ALAS2: variants seen among roughly 807,000 people sequenced by gnomAD.
ALAS2 encodes 5'-aminolevulinate synthase 2.
Under a neutral mutation model 33.7 loss-of-function variants are expected in ALAS2, and 3 were observed. The ratio of observed to expected loss-of-function variants is 0.09; its 90% CI spans 0.04 to 0.23. The LOEUF (loss-of-function observed/expected upper bound fraction) is 0.23. ALAS2 is among the 10% of genes least tolerant of loss of function. The pLI, the probability that ALAS2 is intolerant of heterozygous loss-of-function variation, is 1.00. For synonymous variants in ALAS2, 191 were observed against 177.3 expected (o/e 1.08, Z -0.61); for missense variants, 304 against 475.1 (o/e 0.64, Z 3.35).
intron 4 of ALAS2, among the ~76,000 whole-genome samples, chrX:55,022,855 G>C (rs1039934140): frequency 2.7e-5 from 3 of 111,683 alleles, no homozygotes; most frequent in Non-Finnish European, 5.6e-5. Context: ...ATGTGTTAAA[G>C]TGGAAGCATT....
In ALAS2 at chrX:55,015,594, G is replaced by T. The variant is rs1935685338; in HGVS notation, c.1152C>A (p.Ile384=). The change falls in exon 8 of 11, where the codon ATC becomes ATA. Residue 384 remains isoleucine (I), a synonymous_variant. Transcript: ENST00000650242. ...TTCACTTACCAAGAGTTCCAGAGATGATGTCAATCTTATGCATAATTCCAT... is the reference window on the plus strand; with the variant it reads ...TTCACTTACCAAGAGTTCCAGAGATTATGTCAATCTTATGCATAATTCCAT... ...ERDGIMHKID[I]ISGTLGKAFG... 1.7e-6 allele frequency: 2 copies of T among 1,209,150 alleles called. No homozygotes were observed. The highest frequency in any genetic ancestry group is 1.8e-5 in the South Asian group (1 of 56,738).
chrX:55,015,469 G>A, intron 8 of ALAS2, 109 bp downstream of exon 8: 2 of 944,455 alleles, frequency 2.1e-6, no homozygotes, highest in Non-Finnish European at 3.0e-6. Flanking sequence ...GCCTGGGGCT[G>A]TGAATTCTGT....
At chrX:55,022,617 A>G (rs1272655200) in intron 4 of ALAS2, among the ~76,000 whole-genome samples, 1 of 111,810 alleles carries the variant, frequency 8.9e-6, no homozygotes, top group African/African-American at 3.3e-5. Flanking sequence ...AAATGTATTA[A>G]TATCAAAAAT....
chrX:55,019,799 CAGA>C (rs771583890), intron 6 of ALAS2, among the ~76,000 whole-genome samples: 10 of 111,446 alleles, frequency 9.0e-5, no homozygotes, highest in East Asian at 8.5e-4. Context: ...TGGTTTTAGG[CAGA>C]AGGAGAGATA....
At chrX:55,013,689 G>C in intron 9 of ALAS2, 41 bp from the exon 10 acceptor site, 9 of 1,195,900 alleles carry the variant, frequency 7.5e-6, no homozygotes, top group Non-Finnish European at 9.1e-6. Flanking sequence ...TGCCACTCTG[G>C]CTCCACCATC....
chrX:55,026,807 C>A (rs931929355), intron 1 of ALAS2, among the ~76,000 whole-genome samples: 2 of 111,840 alleles, frequency 1.8e-5, no homozygotes, highest in Non-Finnish European at 3.8e-5. Flanking sequence ...GACACACAGG[C>A]ACTCAATAAA....
intron 2 of ALAS2, 91 bp from the exon 3 acceptor site, chrX:55,024,931 C>A: frequency 9.0e-7 from 1 of 1,108,206 alleles, no homozygotes; most frequent in Non-Finnish European, 1.2e-6. Flanking sequence ...ACCCCTAAAG[C>A]CCTATCTCAG....
In ALAS2 at chrX:55,014,940, G is replaced by A. The variant is rs143328343; in HGVS notation, c.1244C>T (p.Ala415Val). 66 of 1,208,539 alleles carry A rather than the reference G, an allele frequency of 5.5e-5. No homozygotes were observed. In the African/African-American group the frequency reaches 9.9e-4, roughly 18 times the overall value. The change falls in exon 9 of 11, where the codon GCA (alanine) becomes GTA (valine). Residue 415 changes from alanine to valine, a missense_variant. Coordinates refer to ENST00000650242, the MANE Select transcript of ALAS2 (RefSeq NM_000032.5). Reference sequence around the variant, plus strand: ...CAGAGAAGTGGTAAAGATGAAGCCTGCAGCATAGGAGCGCACCATGTCCAC... The same window carrying A: ...CAGAGAAGTGGTAAAGATGAAGCCTACAGCATAGGAGCGCACCATGTCCAC... Reference protein sequence around the residue: ...DLVDMVRSYAAGFIFTTSLPP... With the variant: ...DLVDMVRSYAVGFIFTTSLPP...
chrX:55,023,932 CCT>C, intron 3 of ALAS2, 65 bp from the exon 4 acceptor site: 4 of 928,280 alleles, frequency 4.3e-6, no homozygotes, highest in Non-Finnish European at 6.2e-6. Flanking sequence ...CATGTGTTGT[CCT>C]CTTTAAGCTC....
chrX:55,021,273 T>C lies in ALAS2; in HGVS notation c.417A>G (p.Gly139=), dbSNP rs752426872. 37 of 1,198,866 alleles carry C rather than the reference T, an allele frequency of 3.1e-5. No individual in the cohort carries two copies. Among genetic ancestry groups the C allele is most frequent in the Non-Finnish European group, 3.8e-5 (34 of 884,460 alleles). ...ACTGGTCATAACTGAAGACATAGTT[T>C]CCTGCAGGAGCAGATATGAGGATGA... The part of the protein sequence containing the change: ...VTHLIQNNMP[G]NYVFSYDQFF... The change falls in exon 5 of 11, where the codon GGA becomes GGG. Residue 139 remains glycine (G), a splice_region_variant and synonymous_variant. Transcript: ENST00000650242.
At chrX:55,027,849 A>T (rs770233381) in intron 1 of ALAS2, 8 of 1,116,749 alleles carry the variant, frequency 7.2e-6, no homozygotes, top group Non-Finnish European at 8.7e-6. Flanking sequence ...GGGCCAAGGC[A>T]TGTGGGCCCT....
chrX:55,012,512 G>T (rs763370693), intron 10 of ALAS2, among the ~76,000 whole-genome samples: 87 of 112,629 alleles, frequency 7.7e-4, no homozygotes, highest in Non-Finnish European at 1.3e-3. Flanking sequence ...ACCCAGGCCG[G>T]GCATGGTGGC....
At chrX:55,015,793 C>G in intron 7 of ALAS2, 51 bp from the exon 8 acceptor site, 1 of 1,184,073 alleles carries the variant, frequency 8.4e-7, no homozygotes, top group African/African-American at 1.8e-5. Context: ...TTCCCCAGCT[C>G]CATCTCCAAT....
chrX:55,015,739 G>A lies in ALAS2; in HGVS notation c.1007C>T (p.Ala336Val). ...AFETVHSMDG[A>V]ICPLEELCDV... is the part of the protein sequence containing the mutation. Reference sequence around the variant, plus strand: ...ACACAACTCCTCGAGGGGACAGATGGCACCTGAGCAAAGCCAAGGGATAGA... The same window carrying A: ...ACACAACTCCTCGAGGGGACAGATGACACCTGAGCAAAGCCAAGGGATAGA... Residue 336 changes from alanine (A) to valine (V), a missense_variant, in exon 8 of 11, where the codon GCC becomes GTC. Physicochemically the swap from Ala to Val is moderately conservative, Grantham distance 64. Around this residue, in one of 3 missense-constraint regions of ALAS2, gnomAD observed 138 missense variants for 265.3 expected, o/e 0.52. Transcript: ENST00000650242. The A allele has an allele frequency of 8.3e-7, 1 of 1,210,969 alleles. No homozygotes were observed. The highest frequency in any genetic ancestry group is 1.1e-6 in the Non-Finnish European group (1 of 895,165).
chrX:55,029,719 C>T (rs893407397), intron 1 of ALAS2, among the ~76,000 whole-genome samples: 1 of 111,677 alleles, frequency 9.0e-6, no homozygotes, highest in African/African-American at 3.3e-5. Context: ...ACTTATGTAC[C>T]TAATGTGTGA....
At chrX:55,018,598 G>A (rs1214212303) in intron 6 of ALAS2, among the ~76,000 whole-genome samples, 1 of 111,931 alleles carries the variant, frequency 8.9e-6, no homozygotes, top group Non-Finnish European at 1.9e-5. Flanking sequence ...TTATAAGTAA[G>A]TGAATGAGTA....
In ALAS2 at chrX:55,009,495, C is replaced by T. The variant is rs1569547737; in HGVS notation, c.1601-152G>A. ...GCCTACTGTTTGCTTCTGTGTGTGC[C>T]GTGAATATTACCATTTGTATCTGGA... On this transcript the variant is annotated intron_variant, in intron 10 of 10. Transcript: ENST00000650242. 22 of 516,579 alleles carry T rather than the reference C, an allele frequency of 4.3e-5. No homozygotes were observed. In the Middle Eastern group the frequency reaches 2.4e-3, roughly 56 times the overall value. 42.6% of individuals were successfully genotyped at this position (516,579 alleles called of 1,213,427 possible). A position where few individuals can be genotyped will look rare whatever the true frequency, so the allele number is the denominator to read the frequency against.
intron 10 of ALAS2, among the ~76,000 whole-genome samples, chrX:55,010,425 T>C (rs1162384967): frequency 9.0e-6 from 1 of 111,721 alleles, no homozygotes; most frequent in African/African-American, 3.3e-5. Flanking sequence ...TCTAATGGCC[T>C]ACCATACCCT....
chrX:55,020,218 G>A, intron 6 of ALAS2, 102 bp downstream of exon 6: 1 of 831,630 alleles, frequency 1.2e-6, no homozygotes, highest in Non-Finnish European at 1.8e-6. Flanking sequence ...AACAATGGGA[G>A]TGAGGGAACT....
Sources: allele counts gnomAD v4.1 joint callset (sites outside exome capture counted in the v4.1 genomes callset), GRCh38; gene constraint gnomAD v4.1.1; regional missense constraint gnomAD v4.1.1; transcripts MANE v1.5; gene names NCBI Gene and HGNC (gene_info 2026-07-23, HGNC 2026-07-21).